ITGAM: variants seen among roughly 807,000 people sequenced by gnomAD.
The protein encoded by ITGAM is integrin subunit alpha M, also known as integrin alpha-M.
ITGAM carries 79 observed loss-of-function variants against 137.5 expected under a neutral mutation model. The ratio of observed to expected loss-of-function variants is 0.57; its 90% CI spans 0.48 to 0.69. The LOEUF is 0.69. Among genes scored for constraint, ITGAM ranks in the 30% least tolerant of loss-of-function variants. The pLI is 0.00. For missense variants in ITGAM, 1,343 were observed against 1,483.5 expected, an observed-to-expected ratio of 0.91 and a Z score of 1.56; for synonymous variants, 583 against 592.3, an observed-to-expected ratio of 0.98 and a Z score of 0.23.
At chr16:31,292,011 A>G (rs1209661192) in intron 12 of ITGAM, among the ~76,000 whole-genome samples, 1 of 152,142 alleles carries the variant, frequency 6.6e-6, no homozygotes, top group Admixed American at 6.6e-5. Flanking sequence ...TGATTTGATC[A>G]TCACACATTG....
chr16:31,331,806 T>A lies in ITGAM; in HGVS notation c.*99T>A, dbSNP rs1277913434. On this transcript the variant is annotated 3_prime_UTR_variant, in exon 30 of 30. Coordinates refer to ENST00000544665, the MANE Select transcript of ITGAM (RefSeq NM_000632.4). ...GCTGGACACGTCGGACAGCGAAGTA[T>A]CCCCGACAGGACGGGCTTGGGCTTC... 1.1e-5 allele frequency: 10 copies of A among 915,450 alleles called. No homozygotes were observed. The highest frequency in any genetic ancestry group is 1.7e-5 in the African/African-American group (1 of 59,200). 56.7% of individuals were successfully genotyped at this position (915,450 alleles called of 1,614,324 possible).
intron 29 of ITGAM, 113 bp from the exon 30 acceptor site, chr16:31,331,523 C>T (rs2080583023): frequency 3.2e-6 from 2 of 626,074 alleles, no homozygotes; most frequent in Non-Finnish European, 5.8e-6. Flanking sequence ...CCTCCCGCCC[C>T]GCCCTCCTGG....
Position 31,331,907 on chromosome 16 carries a change from GCGTGCA to G in ITGAM, c.*201_*206del. 1 of 569,814 alleles carries G rather than the reference GCGTGCA, an allele frequency of 1.8e-6. No individual in the cohort carries two copies. Among genetic ancestry groups the G allele is most frequent in the East Asian group, 3.1e-5 (1 of 32,492 alleles). 35.3% of individuals were successfully genotyped at this position (569,814 alleles called of 1,614,324 possible). A position where few individuals can be genotyped will look rare whatever the true frequency, so the allele number is the denominator to read the frequency against. On this transcript the variant is annotated 3_prime_UTR_variant, in exon 30 of 30. Coordinates refer to ENST00000544665, the MANE Select transcript of ITGAM (RefSeq NM_000632.4). ...CAAGTGTGTGCACATGTGTGCGTGTGCGTGCATGTGCACTTGCACGCCCATGTGTGA... is the reference window on the plus strand; with the variant it reads ...CAAGTGTGTGCACATGTGTGCGTGTGTGTGCACTTGCACGCCCATGTGTGA...
In ITGAM at chr16:31,328,589, ATG is replaced by A. The variant is rs201844815; in HGVS notation, c.2792+368_2792+369del. Among the ~76,000 whole-genome samples the A allele has an allele frequency of 5.7e-4, 76 of 133,044 alleles. No individual in the cohort carries two copies. In the East Asian group the frequency reaches 9.6e-3, roughly 17 times the overall value. 87.3% of individuals were successfully genotyped at this position (133,044 alleles called of 152,430 possible). ...CTTGTGCATGGGTGTGTATTTGTGCATGTGTGTGTGAGGATCTATGTGCATGT... is the reference window on the plus strand; with the variant it reads ...CTTGTGCATGGGTGTGTATTTGTGCATGTGTGTGAGGATCTATGTGCATGT... On this transcript the variant is annotated intron_variant, in intron 23 of 29. Transcript: ENST00000544665.
At chr16:31,264,678 A>G (rs1448908392) in intron 2 of ITGAM, among the ~76,000 whole-genome samples, 2 of 151,854 alleles carry the variant, frequency 1.3e-5, no homozygotes, top group African/African-American at 4.8e-5. Context: ...CTGGGACTAC[A>G]GGTGTGTACC....
At chr16:31,296,272 T>TG (rs2144375731) in intron 12 of ITGAM, among the ~76,000 whole-genome samples, 1 of 21,828 alleles carries the variant, frequency 4.6e-5, no homozygotes, top group African/African-American at 1.9e-4. Context: ...GCCCTGCTAA[T>TG]TTTTTTTTTT....
At chr16:31,294,889 T>C (rs957998257) in intron 12 of ITGAM, among the ~76,000 whole-genome samples, 1 of 152,128 alleles carries the variant, frequency 6.6e-6, no homozygotes, top group African/African-American at 2.4e-5. Flanking sequence ...CCATTTTGAG[T>C]TGATTTTGTA....
At chr16:31,273,607 C>G in intron 8 of ITGAM, 89 bp downstream of exon 8, 3 of 1,323,874 alleles carry the variant, frequency 2.3e-6, no homozygotes, top group Non-Finnish European at 3.2e-6. Flanking sequence ...TTATTAAAAT[C>G]AAAGTGACAT....
Position 31,325,385 on chromosome 16 carries a change from G to A in ITGAM, c.2486G>A (p.Arg829Gln), listed in dbSNP as rs201299141. 96 of 1,613,352 alleles carry A rather than the reference G, an allele frequency of 6.0e-5. No homozygotes were observed. The highest frequency in any genetic ancestry group is 1.1e-4 in the African/African-American group (8 of 74,910). ...TFFFPLDLSY[R>Q]KVSTLQNQRS... ...TTCTTCCCGCTTGACCTGTCCTACC[G>A]GAAGGTGTCCACGCTCCAGGTAGCC... The change falls in exon 20 of 30, where the codon CGG becomes CAG. Residue 829 changes from arginine (R) to glutamine (Q), a missense_variant. Physicochemically the swap from Arg to Gln is conservative, Grantham distance 43 (BLOSUM62 1). Coordinates refer to ENST00000544665, the MANE Select transcript of ITGAM (RefSeq NM_000632.4).
At chr16:31,275,184 T>C (rs1291857491) in intron 8 of ITGAM, among the ~76,000 whole-genome samples, 1 of 151,900 alleles carries the variant, frequency 6.6e-6, no homozygotes, top group Non-Finnish European at 1.5e-5. Flanking sequence ...GTAATCAAAC[T>C]ACTACAGCAC....
chr16:31,290,883 G>A (rs920143136), intron 12 of ITGAM, among the ~76,000 whole-genome samples: 35 of 152,054 alleles, frequency 2.3e-4, no homozygotes, highest in African/African-American at 7.5e-4. Flanking sequence ...TAAGTTCTCA[G>A]GATATAGGAG....
At chr16:31,270,558 G>C (rs1028049251) in intron 5 of ITGAM, among the ~76,000 whole-genome samples, 3 of 150,880 alleles carry the variant, frequency 2.0e-5, no homozygotes, top group Non-Finnish European at 4.4e-5. Flanking sequence ...CTGTGGCCCA[G>C]GCTGGAGTGC....
intron 12 of ITGAM, among the ~76,000 whole-genome samples, chr16:31,292,614 A>G (rs952593575): frequency 6.6e-6 from 1 of 152,268 alleles, no homozygotes; most frequent in South Asian, 2.1e-4. Flanking sequence ...TTATGGCTGC[A>G]TAGTATTCCA....
intron 8 of ITGAM, among the ~76,000 whole-genome samples, chr16:31,275,151 G>A (rs1226944069): frequency 6.6e-6 from 1 of 152,000 alleles, no homozygotes; most frequent in African/African-American, 2.4e-5. Context: ...TACAGGAAGA[G>A]GCAAGGAGTC....
In ITGAM at chr16:31,277,980, C is replaced by T; in HGVS notation, c.1227C>T (p.Ala409=). The change falls in exon 12 of 30, where the codon GCC becomes GCT. Residue 409 remains alanine, a synonymous_variant. Coordinates refer to ENST00000544665, the MANE Select transcript of ITGAM (RefSeq NM_000632.4). ...CCCCACCTTCAGGTTATGCTGCCGC[C>T]ATCATCTTACGGAACCGGGTGCAAA... ...MNDAYLGYAA[A]IILRNRVQSL... 1 of 1,598,842 alleles carries T rather than the reference C, an allele frequency of 6.3e-7. No homozygotes were observed. Among genetic ancestry groups the T allele is most frequent in the East Asian group, 2.3e-5 (1 of 44,180 alleles).
At chr16:31,295,369 C>T (rs1007938008) in intron 12 of ITGAM, among the ~76,000 whole-genome samples, 4 of 151,920 alleles carry the variant, frequency 2.6e-5, no homozygotes, top group Non-Finnish European at 1.5e-5. Flanking sequence ...TGTTTAACTT[C>T]CTTAATCAAT....
chr16:31,277,629 A>T (rs2079923086), intron 11 of ITGAM, among the ~76,000 whole-genome samples: 1 of 152,000 alleles, frequency 6.6e-6, no homozygotes, highest in Non-Finnish European at 1.5e-5. Flanking sequence ...AAGTGCTGGA[A>T]TTACAGACGT....
intron 29 of ITGAM, 109 bp downstream of exon 29, chr16:31,331,384 G>T (rs2080580932): frequency 2.7e-6 from 2 of 742,916 alleles, no homozygotes; most frequent in Middle Eastern, 3.7e-4. Context: ...ACTGGGGCGA[G>T]TCTGGGAGCC....
intron 14 of ITGAM, among the ~76,000 whole-genome samples, chr16:31,298,936 C>T (rs2080167024): frequency 6.6e-6 from 1 of 152,114 alleles, no homozygotes. Flanking sequence ...CCAGGTGGAG[C>T]CCACTGTCTG....
Sources: gnomAD v4.1 joint callset for allele counts (sites outside exome capture counted in the v4.1 genomes callset) on GRCh38, gnomAD v4.1.1 for gene constraint, MANE v1.5 for transcripts, NCBI Gene and HGNC (gene_info 2026-07-23, HGNC 2026-07-21) for gene names.